The following RASGRP3 variants were observed in gnomAD, a reference collection of about 807,000 sequenced individuals.
RASGRP3 encodes RAS guanyl releasing protein 3, also known as ras guanyl-releasing protein 3.
A neutral mutation model predicts 82.7 loss-of-function variants in RASGRP3; 54 were observed. The observed-to-expected ratio is 0.65, with a 90% CI of 0.52 to 0.82. The LOEUF (loss-of-function observed/expected upper bound fraction) is 0.82, where lower values mean the gene tolerates loss of function less well. Among genes scored for constraint, RASGRP3 ranks in the 40% least tolerant of loss-of-function variants. The pLI, the probability that RASGRP3 is intolerant of heterozygous loss-of-function variation, is 0.00. For synonymous variants in RASGRP3, 309 were observed against 300.5 expected, an observed-to-expected ratio of 1.03 and a Z score of -0.29; for missense variants, 861 against 828.9, an observed-to-expected ratio of 1.04 and a Z score of -0.48.
At chr2:33,529,206 G>C (rs553350376) in intron 10 of RASGRP3, among the ~76,000 whole-genome samples, 1 of 152,078 alleles carries the variant, frequency 6.6e-6, no homozygotes, top group Non-Finnish European at 1.5e-5. Flanking sequence ...AAAATTTCAG[G>C]AGTACTGGCT....
chr2:33,514,190 C>T (rs971540857), intron 2 of RASGRP3, among the ~76,000 whole-genome samples: 8 of 152,080 alleles, frequency 5.3e-5, no homozygotes, highest in Non-Finnish European at 1.2e-4. Flanking sequence ...AGTATTTTTA[C>T]CACTGCAGAG....
At chr2:33,479,034 G>T (rs1032870761) in intron 1 of RASGRP3, among the ~76,000 whole-genome samples, 1 of 152,154 alleles carries the variant, frequency 6.6e-6, no homozygotes. Context: ...GGGACACCTG[G>T]ATCTGACTGT....
intron 9 of RASGRP3, among the ~76,000 whole-genome samples, chr2:33,526,072 C>T (rs1402274217): frequency 1.3e-5 from 2 of 152,170 alleles, no homozygotes; most frequent in Non-Finnish European, 2.9e-5. Flanking sequence ...AACTCTTCAC[C>T]CATAGAATTA....
chr2:33,469,731 G>A (rs191864714), intron 2 of RASGRP3, among the ~76,000 whole-genome samples: 98 of 152,300 alleles, frequency 6.4e-4, no homozygotes, highest in Non-Finnish European at 1.0e-3. Flanking sequence ...AAAGTGCTGG[G>A]TTTACAGGCA....
chr2:33,495,507 G>C (rs1263258169), intron 1 of RASGRP3, among the ~76,000 whole-genome samples: 1 of 152,078 alleles, frequency 6.6e-6, no homozygotes, highest in African/African-American at 2.4e-5. Flanking sequence ...ACAGGCCATG[G>C]ACCAGGCCAT....
At chr2:33,551,105 A>G (rs1675313539) in intron 14 of RASGRP3, among the ~76,000 whole-genome samples, 2 of 152,092 alleles carry the variant, frequency 1.3e-5, no homozygotes, top group Admixed American at 6.5e-5. Flanking sequence ...CTGAGGTCAG[A>G]AGTTTGAGAC....
At chr2:33,538,724 T>C (rs1206882197) in intron 11 of RASGRP3, among the ~76,000 whole-genome samples, 4 of 152,138 alleles carry the variant, frequency 2.6e-5, no homozygotes, top group East Asian at 1.9e-4. Context: ...CTGGTCCTAG[T>C]TGTTCAAGGC....
At chr2:33,546,422 C>CAAA (rs776842532) in intron 13 of RASGRP3, among the ~76,000 whole-genome samples, 2 of 79,544 alleles carry the variant, frequency 2.5e-5, no homozygotes, top group Admixed American at 1.5e-4. Context: ...GACTCCGTCT[C>CAAA]AAAAAAAAAA....
intron 1 of RASGRP3, among the ~76,000 whole-genome samples, chr2:33,497,239 A>G (rs915739134): frequency 6.6e-6 from 1 of 152,198 alleles, no homozygotes; most frequent in African/African-American, 2.4e-5. Context: ...ATAAATATAT[A>G]CATGCTCTGT....
intron 2 of RASGRP3, among the ~76,000 whole-genome samples, chr2:33,465,833 C>T (rs1332100741): frequency 6.6e-6 from 1 of 152,126 alleles, no homozygotes; most frequent in African/African-American, 2.4e-5. Context: ...ATCTGATAAT[C>T]CTAGGGCCCT....
chr2:33,440,972 AG>A (rs764890461), intron 1 of RASGRP3, among the ~76,000 whole-genome samples: 2 of 152,158 alleles, frequency 1.3e-5, no homozygotes, highest in Non-Finnish European at 2.9e-5. Flanking sequence ...GGCTTGCTGC[AG>A]CCTCCACCTC....
At chr2:33,466,278 A>T (rs1019202708) in intron 2 of RASGRP3, among the ~76,000 whole-genome samples, 8 of 152,256 alleles carry the variant, frequency 5.3e-5, no homozygotes, top group African/African-American at 1.9e-4. Flanking sequence ...TCTAGGTGCC[A>T]TTAGGAACAT....
intron 1 of RASGRP3, among the ~76,000 whole-genome samples, chr2:33,502,159 A>G (rs537730840): frequency 6.6e-6 from 1 of 152,270 alleles, no homozygotes; most frequent in East Asian, 1.9e-4. Flanking sequence ...AAGACACCTC[A>G]CGTTTATCTA....
At chr2:33,532,005 AT>A (rs1354392091) in intron 10 of RASGRP3, 3 of 152,174 alleles carry the variant, frequency 2.0e-5, no homozygotes, top group African/African-American at 7.2e-5. Context: ...CTCTTTATTT[AT>A]GTAACCTTCA....
chr2:33,562,888 A>C lies in RASGRP3; in HGVS notation c.*151A>C. The C allele has an allele frequency of 9.9e-7, 1 of 1,009,418 alleles. No homozygotes were observed. Among genetic ancestry groups the C allele is most frequent in the East Asian group, 2.6e-5 (1 of 38,398 alleles). 62.5% of individuals were successfully genotyped at this position (1,009,418 alleles called of 1,614,324 possible). On this transcript the variant is annotated 3_prime_UTR_variant, in exon 18 of 18. Coordinates refer to ENST00000403687, the MANE Select transcript of RASGRP3 (RefSeq NM_001139488.2). The stretch of plus-strand genomic sequence containing the variant: ...GACACTGTGGGATCTCCATGTTTGG[A>C]CTATGGGACAGAGAATTGACCCTAA...
chr2:33,438,412 A>G (rs1486336458), intron 1 of RASGRP3, among the ~76,000 whole-genome samples: 1 of 152,040 alleles, frequency 6.6e-6, no homozygotes, highest in African/African-American at 2.4e-5. Context: ...AATATACAAA[A>G]TTAGCTGGGC....
At position 33,562,902 on chromosome 2, in the gene RASGRP3, A is replaced by G. The variant is rs1401889306; in HGVS notation, c.*165A>G. On this transcript the variant is annotated 3_prime_UTR_variant, in exon 18 of 18. Coordinates refer to ENST00000403687, the MANE Select transcript of RASGRP3 (RefSeq NM_001139488.2). ...TCCATGTTTGGACTATGGGACAGAG[A>G]ATTGACCCTAACTAACTAACTATGA... The G allele has an allele frequency of 1.3e-6, 1 of 780,990 alleles. No homozygotes were observed. Among genetic ancestry groups the G allele is most frequent in the African/African-American group, 3.4e-5 (1 of 29,200 alleles). The allele number at this position is 780,990 out of a possible 1,614,324, so 48.4% of individuals were successfully genotyped here.
chr2:33,506,057 C>G (rs1670346201), intron 1 of RASGRP3, among the ~76,000 whole-genome samples: 1 of 152,230 alleles, frequency 6.6e-6, no homozygotes, highest in South Asian at 2.1e-4. Flanking sequence ...AGCTTTGTTA[C>G]TTGTTAGCAG....
rs778207490 is a variant in RASGRP3, at chr2:33,558,727, C to G, written c.1761C>G (p.Asp587Glu). 6.2e-7 allele frequency: 1 copy of G among 1,613,788 alleles called. No individual in the cohort carries two copies. Among genetic ancestry groups the G allele is most frequent in the Non-Finnish European group, 8.5e-7 (1 of 1,179,814 alleles). ...TCACTGCTGGACACAGGGATTTAGA[C>G]AGCAGAGCCATCACACTGGTTACAG... Reference protein sequence around the residue: ...PGVTAGHRDLDSRAITLVTGS... With the variant: ...PGVTAGHRDLESRAITLVTGS... The change falls in exon 17 of 18, where the codon GAC (aspartate) becomes GAG (glutamate). Residue 587 changes from aspartate to glutamate, a missense_variant. Physicochemically the swap from Asp to Glu is conservative, Grantham distance 45 (BLOSUM62 2). Transcript: ENST00000403687.
Sources: gnomAD v4.1 joint callset for allele counts (sites outside exome capture counted in the v4.1 genomes callset) on GRCh38, gnomAD v4.1.1 for gene constraint, MANE v1.5 for transcripts, NCBI Gene and HGNC (gene_info 2026-07-23, HGNC 2026-07-21) for gene names.